Variants in EXOC2 observed in about 807,000 individuals in gnomAD.
EXOC2 encodes exocyst complex component 2, also known as SEC5-like 1.
Under a neutral mutation model 131.8 loss-of-function variants are expected in EXOC2, and 70 were observed. The ratio of observed to expected loss-of-function variants is 0.53; its 90% CI spans 0.44 to 0.65. The LOEUF is 0.65. Among genes scored for constraint, EXOC2 ranks in the 30% least tolerant of loss-of-function variants. The pLI, the probability that EXOC2 is intolerant of heterozygous loss-of-function variation, is 0.00. For missense variants in EXOC2, 923 were observed against 1,108.6 expected (o/e 0.83, Z 2.38); for synonymous variants, 411 against 398.4 (o/e 1.03, Z -0.38).
chr6:513,343 A>G (rs1028907761), intron 23 of EXOC2, among the ~76,000 whole-genome samples: 4 of 152,270 alleles, frequency 2.6e-5, no homozygotes. Flanking sequence ...TGATCTGCCG[A>G]ACCTGTTTTC....
chr6:660,208 A>T (rs1032196077), intron 1 of EXOC2, among the ~76,000 whole-genome samples: 1 of 61,666 alleles, frequency 1.6e-5, no homozygotes. Flanking sequence ...TTCCCTACCC[A>T]ACCTGGTAGT....
chr6:492,434 C>T (rs1157039002), intron 25 of EXOC2, among the ~76,000 whole-genome samples: 1 of 152,184 alleles, frequency 6.6e-6, no homozygotes, highest in Non-Finnish European at 1.5e-5. Context: ...AAACACATGT[C>T]CACACAAGAA....
chr6:525,433 G>A (rs1042989303), intron 23 of EXOC2: 1 of 152,180 alleles, frequency 6.6e-6, no homozygotes, highest in African/African-American at 2.4e-5. Context: ...ATGAAGACAT[G>A]ATGGCAATAA....
chr6:592,854 C>T (rs1230152078), intron 10 of EXOC2, among the ~76,000 whole-genome samples: 1 of 151,912 alleles, frequency 6.6e-6, no homozygotes, highest in African/African-American at 2.4e-5. Flanking sequence ...GCTGAAACCC[C>T]GTCGCTACTA....
At position 556,333 on chromosome 6, in the gene EXOC2, C is replaced by T. The variant is rs192053022; in HGVS notation, c.1932+151G>A. The T allele has an allele frequency of 7.0e-4, 577 of 823,006 alleles. 2 individuals carry two copies. In the African/African-American group the frequency reaches 8.1e-3, roughly 12 times the overall value. 51.0% of individuals were successfully genotyped at this position (823,006 alleles called of 1,614,324 possible). ...AACTTGCATCGGCCTGGCTTGGAAT[C>T]GGAAATCAGCACATCTACGCAGTTA... On this transcript the variant is annotated intron_variant, in intron 18 of 27. Coordinates refer to ENST00000230449, the MANE Select transcript of EXOC2 (RefSeq NM_018303.6).
At chr6:561,470 G>A (rs1561858575) in intron 17 of EXOC2, among the ~76,000 whole-genome samples, 1 of 152,336 alleles carries the variant, frequency 6.6e-6, no homozygotes, top group East Asian at 1.9e-4. Flanking sequence ...TACTGTGCAG[G>A]ATCATTGTTT....
chr6:489,561 A>C (rs1266149795), intron 26 of EXOC2, among the ~76,000 whole-genome samples: 1 of 152,248 alleles, frequency 6.6e-6, no homozygotes, highest in Non-Finnish European at 1.5e-5. Context: ...ATTCAATGTA[A>C]GTTCTTTACA....
intron 1 of EXOC2, among the ~76,000 whole-genome samples, chr6:685,894 G>A (rs1221803888): frequency 3.5e-5 from 1 of 28,870 alleles, no homozygotes; most frequent in Non-Finnish European, 7.2e-5. Context: ...TTTTTTTTTT[G>A]AGACGGAGTC....
chr6:600,500 G>C (rs1222303180), intron 7 of EXOC2, among the ~76,000 whole-genome samples: 1 of 152,048 alleles, frequency 6.6e-6, no homozygotes, highest in Non-Finnish European at 1.5e-5. Flanking sequence ...ATGTAAAGGA[G>C]ACTAAATCTT....
At chr6:690,286 C>G (rs9504781) in intron 1 of EXOC2, among the ~76,000 whole-genome samples, 22,027 of 151,980 alleles carry the variant, frequency 0.14, 1,772 homozygotes, top group African/African-American at 0.21. Flanking sequence ...AATCATGGCG[C>G]TCAAGGCTGC....
rs1762009191 is a variant in EXOC2 at position 634,544 on chromosome 6, T to C, written c.119-1427A>G. Among the ~76,000 whole-genome samples the C allele has an allele frequency of 5.3e-5, 8 of 152,250 alleles. No homozygotes were observed. In the South Asian group the frequency reaches 1.7e-3, roughly 32 times the overall value. On this transcript the variant is annotated intron_variant, in intron 2 of 27. Transcript: ENST00000230449. ...TGGAGGCACAAAGTCAAATCATCTT[T>C]TGTTCCAACTTAAAGAACTATTTAG...
intron 21 of EXOC2, among the ~76,000 whole-genome samples, chr6:553,161 A>G (rs1475233761): frequency 1.3e-5 from 2 of 152,104 alleles, no homozygotes; most frequent in African/African-American, 4.8e-5. Flanking sequence ...CAAGTGATCC[A>G]CTTGCCTCGG....
intron 1 of EXOC2, among the ~76,000 whole-genome samples, chr6:684,186 G>A (rs372674231): frequency 2.0e-5 from 3 of 152,134 alleles, no homozygotes; most frequent in African/African-American, 7.2e-5. Flanking sequence ...GGTTAGGGAG[G>A]GGGAGACAGG....
At position 564,609 on chromosome 6, in the gene EXOC2, C is replaced by T. The variant is rs1055135177; in HGVS notation, c.1603G>A (p.Gly535Arg). ...AGCTCGCACTTCACCTCCCAGCCTC[C>T]GTACTGCTTGGCTTCCCCATCCCGG... ...SIRDGEAKQYGGWEVKCELSG... is the reference protein window; with the variant it reads ...SIRDGEAKQYRGWEVKCELSG... Residue 535 changes from glycine to arginine, a missense_variant, in exon 15 of 28, where the codon GGA (glycine) becomes AGA (arginine). Physicochemically the swap from Gly to Arg is moderately radical, Grantham distance 125. Transcript: ENST00000230449. The T allele has an allele frequency of 4.3e-6, 7 of 1,614,066 alleles. No individual in the cohort carries two copies. Among genetic ancestry groups the T allele is most frequent in the South Asian group, 1.1e-5 (1 of 91,042 alleles).
chr6:618,113 G>A (rs1761105043), intron 5 of EXOC2, among the ~76,000 whole-genome samples: 2 of 152,134 alleles, frequency 1.3e-5, no homozygotes, highest in South Asian at 4.1e-4. Context: ...TAAATGTGTA[G>A]ATGTTTTTAT....
intron 2 of EXOC2, among the ~76,000 whole-genome samples, chr6:637,452 A>G (rs1159511291): frequency 6.6e-6 from 1 of 152,258 alleles, no homozygotes; most frequent in Non-Finnish European, 1.5e-5. Context: ...GAAAATTCAG[A>G]GGCAAATCTC....
At chr6:612,458 A>G (rs539996531) in intron 6 of EXOC2, among the ~76,000 whole-genome samples, 1 of 152,328 alleles carries the variant, frequency 6.6e-6, no homozygotes, top group Admixed American at 6.5e-5. Context: ...ATTTTACCAA[A>G]CTTTTATCAG....
intron 23 of EXOC2, among the ~76,000 whole-genome samples, chr6:500,496 T>C (rs1193120740): frequency 6.6e-6 from 1 of 152,166 alleles, no homozygotes; most frequent in Non-Finnish European, 1.5e-5. Context: ...AGTTTTCTCA[T>C]CTGTCACAGG....
chr6:665,451 AT>A (rs1763599321), intron 1 of EXOC2, among the ~76,000 whole-genome samples: 1 of 152,220 alleles, frequency 6.6e-6, no homozygotes, highest in South Asian at 2.1e-4. Context: ...CCAGAAGAAA[AT>A]AACTGAATAT....
Sources: gnomAD v4.1 joint callset for allele counts (sites outside exome capture counted in the v4.1 genomes callset) on GRCh38, gnomAD v4.1.1 for gene constraint, MANE v1.5 for transcripts, NCBI Gene and HGNC (gene_info 2026-07-23, HGNC 2026-07-21) for gene names.